The following CSRNP3 variants were observed in gnomAD, a reference collection of about 807,000 sequenced individuals.
CSRNP3 encodes cysteine and serine rich nuclear protein 3.
CSRNP3 carries 12 observed loss-of-function variants against 48.0 expected under a neutral mutation model. That is an observed-to-expected ratio of 0.25 (90% CI 0.16 to 0.41). The LOEUF (loss-of-function observed/expected upper bound fraction) is 0.41, where lower values mean the gene tolerates loss of function less well. Ranked by LOEUF, CSRNP3 falls within the 10% of genes least tolerant of loss-of-function variation. The pLI is 1.00. For synonymous variants in CSRNP3, 263 were observed against 269.7 expected, an observed-to-expected ratio of 0.98 and a Z score of 0.24; for missense variants, 580 against 724.4, an observed-to-expected ratio of 0.80 and a Z score of 2.29.
chr2:165,504,005 A>G (rs531336654), intron 2 of CSRNP3, among the ~76,000 whole-genome samples: 2 of 152,140 alleles, frequency 1.3e-5, no homozygotes, highest in South Asian at 4.1e-4. Context: ...ATTTTGACCT[A>G]TTAATATGAT....
intron 6 of CSRNP3, 144 bp from the exon 7 acceptor site, chr2:165,678,557 A>G (rs182584469): frequency 2.2e-6 from 2 of 914,330 alleles, no homozygotes; most frequent in Admixed American, 5.7e-5. Flanking sequence ...TTTCATTTCT[A>G]TTTGAAGTTT....
intron 3 of CSRNP3, among the ~76,000 whole-genome samples, chr2:165,540,700 G>T (rs554451433): frequency 1.3e-5 from 2 of 151,990 alleles, no homozygotes; most frequent in East Asian, 3.9e-4. Flanking sequence ...GCTTGTCCCT[G>T]TAAGATTCTG....
Position 165,681,927 on chromosome 2 carries a change from C to T in CSRNP3, c.*2174C>T, listed in dbSNP as rs1295354241. On this transcript the variant is annotated 3_prime_UTR_variant, in exon 7 of 7. Transcript: ENST00000651982. ...TGATACAATCTAAAGAGCACAGGCC[C>T]AAAGAGAAAATGACAAGAGGCTATT... 1 of 150,578 alleles carries T rather than the reference C, an allele frequency of 6.6e-6. No individual in the cohort carries two copies. The highest frequency in any genetic ancestry group is 1.5e-5 in the Non-Finnish European group (1 of 67,722). 9.3% of individuals were successfully genotyped at this position (150,578 alleles called of 1,614,324 possible).
rs1397540267 is a variant in CSRNP3 at position 165,679,370 on chromosome 2, A to G, written c.1375A>G (p.Thr459Ala). The change falls in exon 7 of 7, where the codon ACT (threonine) becomes GCT (alanine). Residue 459 changes from threonine to alanine, a missense_variant. By Grantham distance (58) the Thr-to-Ala change is moderately conservative. Coordinates refer to ENST00000651982, the MANE Select transcript of CSRNP3 (RefSeq NM_001172173.2). Reference protein sequence around the residue: ...QISENYSERDTVKNGTLSLVP... With the variant: ...QISENYSERDAVKNGTLSLVP... ...CTCTGAGAACTATTCTGAAAGAGAC[A>G]CTGTCAAAAATGGTACCCTTTCGCT... 1.9e-6 allele frequency: 3 copies of G among 1,613,572 alleles called. No homozygotes were observed. The highest frequency in any genetic ancestry group is 1.7e-5 in the Admixed American group (1 of 59,958).
intron 3 of CSRNP3, among the ~76,000 whole-genome samples, chr2:165,593,843 T>G (rs1685765500): frequency 6.6e-6 from 1 of 152,174 alleles, no homozygotes; most frequent in South Asian, 2.1e-4. Flanking sequence ...ACATCCCTAA[T>G]CTGAAAATCT....
chr2:165,523,180 C>A (rs1684685957), intron 3 of CSRNP3, among the ~76,000 whole-genome samples: 1 of 152,160 alleles, frequency 6.6e-6, no homozygotes, highest in South Asian at 2.1e-4. Flanking sequence ...GCTCAGGAGT[C>A]CTTCCTGCTA....
chr2:165,573,308 A>T (rs1228619447), intron 3 of CSRNP3, among the ~76,000 whole-genome samples: 1 of 152,162 alleles, frequency 6.6e-6, no homozygotes, highest in Non-Finnish European at 1.5e-5. Flanking sequence ...TTATTTGATG[A>T]TGCATATTTT....
At chr2:165,474,324 C>G (rs952106885) in intron 1 of CSRNP3, among the ~76,000 whole-genome samples, 3 of 152,086 alleles carry the variant, frequency 2.0e-5, no homozygotes, top group Non-Finnish European at 2.9e-5. Context: ...ACTACAGCCT[C>G]AAACTCCTGG....
At position 165,475,190 on chromosome 2, in the gene CSRNP3, T is replaced by TA. The variant is rs949068906; in HGVS notation, c.-283+5460dup. 3.0e-3 allele frequency among the ~76,000 whole-genome samples: 441 copies of TA among 149,178 alleles called. 1 individual carries two copies. Among genetic ancestry groups the TA allele is most frequent in the Non-Finnish European group, 4.3e-3 (291 of 67,012 alleles). On this transcript the variant is annotated intron_variant, in intron 1 of 6. Coordinates refer to ENST00000651982, the MANE Select transcript of CSRNP3 (RefSeq NM_001172173.2). ...CTGGAAAAGGGTTTCAAAAGTGATT[T>TA]AAAAAAAAAAGACGTCTTTGTTCTG...
intron 4 of CSRNP3, among the ~76,000 whole-genome samples, chr2:165,615,639 A>G (rs940799704): frequency 1.8e-4 from 28 of 151,546 alleles, no homozygotes; most frequent in Non-Finnish European, 1.3e-4. Flanking sequence ...TTCATTTTGT[A>G]ACTTAAAATC....
chr2:165,666,686 T>A (rs111067447), intron 5 of CSRNP3, among the ~76,000 whole-genome samples: 40,509 of 40,606 alleles, frequency 1, 20,206 homozygotes, highest in Middle Eastern at 1. Flanking sequence ...AAAGAGAGAG[T>A]GGTGTTAAGA....
In CSRNP3 at chr2:165,679,446, C is replaced by T. The variant is rs778322587; in HGVS notation, c.1451C>T (p.Ala484Val). ...PEQFVDYARQAEEAYGASHYP... is the reference protein window; with the variant it reads ...PEQFVDYARQVEEAYGASHYP... ...CAATTCGTTGACTATGCCCGACAAG[C>T]AGAAGAGGCCTATGGTGCCTCCCAC... The change falls in exon 7 of 7, where the codon GCA becomes GTA. Residue 484 changes from alanine to valine, a missense_variant. Around this residue, in one of 4 missense-constraint regions of CSRNP3, gnomAD observed 369 missense variants for 380.8 expected, o/e 0.97. Transcript: ENST00000651982. 2 of 1,613,102 alleles carry T rather than the reference C, an allele frequency of 1.2e-6. No individual in the cohort carries two copies. The highest frequency in any genetic ancestry group is 1.7e-5 in the Admixed American group (1 of 59,884).
Position 165,657,748 on chromosome 2 carries a change from C to A in CSRNP3, c.149-13C>A. 1 of 1,611,548 alleles carries A rather than the reference C, an allele frequency of 6.2e-7. No homozygotes were observed. Among genetic ancestry groups the A allele is most frequent in the South Asian group, 1.1e-5 (1 of 91,020 alleles). ...GCCCCAAGTGTTCACAGGATTGTTT[C>A]TTTCTCTTTCAGCTTCCTCCATTCT... is the stretch of plus-strand genomic sequence containing the variant. On this transcript the variant is annotated splice_polypyrimidine_tract_variant and intron_variant, in intron 4 of 6. Transcript: ENST00000651982.
chr2:165,545,053 G>A (rs527297525), intron 3 of CSRNP3, among the ~76,000 whole-genome samples: 145 of 152,274 alleles, frequency 9.5e-4, no homozygotes, highest in Non-Finnish European at 1.7e-3. Context: ...AGAATAAAGC[G>A]ACTGGTTGTG....
At chr2:165,542,433 T>A (rs1478414931) in intron 3 of CSRNP3, among the ~76,000 whole-genome samples, 4 of 152,184 alleles carry the variant, frequency 2.6e-5, no homozygotes, top group African/African-American at 9.6e-5. Flanking sequence ...TAAGCATATA[T>A]GTACATAAAC....
At chr2:165,551,637 A>G (rs1685097310) in intron 3 of CSRNP3, among the ~76,000 whole-genome samples, 1 of 152,222 alleles carries the variant, frequency 6.6e-6, no homozygotes, top group Non-Finnish European at 1.5e-5. Context: ...ACAAAGTTGT[A>G]TTCCCAGAGG....
At position 165,658,029 on chromosome 2, in the gene CSRNP3, CA is replaced by C. The variant is rs1558964742; in HGVS notation, c.408+12del. The C allele has an allele frequency of 6.2e-7, 1 of 1,603,096 alleles. No individual in the cohort carries two copies. The highest frequency in any genetic ancestry group is 1.1e-5 in the South Asian group (1 of 90,708). ...ACTCCTTAAAACTAAAGGTAAAAAA[CA>C]AACTCATTTTCTGCAAAGTCTCATA... On this transcript the variant is annotated intron_variant, in intron 5 of 6. Coordinates refer to ENST00000651982, the MANE Select transcript of CSRNP3 (RefSeq NM_001172173.2).
At chr2:165,676,910 A>T (rs1191978650) in intron 6 of CSRNP3, among the ~76,000 whole-genome samples, 1 of 152,186 alleles carries the variant, frequency 6.6e-6, no homozygotes, top group East Asian at 1.9e-4. Flanking sequence ...ACCTTATTTC[A>T]GCTTTTTACC....
At chr2:165,671,629 G>A (rs923971115) in intron 5 of CSRNP3, among the ~76,000 whole-genome samples, 4 of 152,184 alleles carry the variant, frequency 2.6e-5, no homozygotes, top group Admixed American at 6.5e-5. Context: ...GACTGTAATG[G>A]GAGGGGCTGC....
Sources: gnomAD v4.1 joint callset for allele counts (sites outside exome capture counted in the v4.1 genomes callset) on GRCh38, gnomAD v4.1.1 for gene constraint, gnomAD v4.1.1 regional missense constraint, MANE v1.5 for transcripts, NCBI Gene and HGNC (gene_info 2026-07-23, HGNC 2026-07-21) for gene names.